Variants in RND2 observed in about 807,000 individuals in gnomAD.
The protein encoded by RND2 is rho-related GTP-binding protein RhoN.
Under a neutral mutation model 25.9 loss-of-function variants are expected in RND2, and 16 were observed. The observed-to-expected ratio is 0.62, with a 90% CI of 0.42 to 0.94. The LOEUF (loss-of-function observed/expected upper bound fraction) is 0.94. RND2 is among the 40% of genes least tolerant of loss of function. The pLI, the probability that RND2 is intolerant of heterozygous loss-of-function variation, is 0.00. For synonymous variants in RND2, 97 were observed against 118.1 expected (o/e 0.82, Z 1.16); for missense variants, 276 against 305.5 (o/e 0.90, Z 0.72).
intron 3 of RND2, 40 bp downstream of exon 3, chr17:43,027,332 AC>A: frequency 7.3e-7 from 1 of 1,361,850 alleles, no homozygotes; most frequent in South Asian, 1.2e-5. Context: ...ACTGAGGGGG[AC>A]CAGACCACCA....
In RND2 at chr17:43,028,742, G is replaced by A. The variant is rs530751345; in HGVS notation, c.*62G>A. 2.0e-6 allele frequency: 3 copies of A among 1,496,826 alleles called. No homozygotes were observed. Among genetic ancestry groups the A allele is most frequent in the South Asian group, 1.3e-5 (1 of 78,324 alleles). 92.7% of individuals were successfully genotyped at this position (1,496,826 alleles called of 1,614,324 possible). A position where few individuals can be genotyped will look rare whatever the true frequency, so the allele number is the denominator to read the frequency against. On this transcript the variant is annotated 3_prime_UTR_variant, in exon 5 of 5. Coordinates refer to ENST00000587250, the MANE Select transcript of RND2 (RefSeq NM_005440.5). ...GAGGGACACAATTGTTCCCCTGCCT[G>A]CGCCCAGGCTTCCTGACCTCCTGAT...
In RND2 at chr17:43,031,232, A is replaced by G. The variant is rs2050669974; in HGVS notation, c.*2552A>G. The G allele has an allele frequency of 6.6e-6, 1 of 152,206 alleles. No individual in the cohort carries two copies. Among genetic ancestry groups the G allele is most frequent in the South Asian group, 2.1e-4 (1 of 4,836 alleles). The allele number at this position is 152,206 out of a possible 1,614,324, so 9.4% of individuals were successfully genotyped here. A position where few individuals can be genotyped will look rare whatever the true frequency, so the allele number is the denominator to read the frequency against. On this transcript the variant is annotated 3_prime_UTR_variant, in exon 5 of 5. Transcript: ENST00000587250. Reference sequence around the variant, plus strand: ...CCCACCACTCCCTGGATCATCAGATATCCCTATCCCAACCTCTCCTATGGG... The same window carrying G: ...CCCACCACTCCCTGGATCATCAGATGTCCCTATCCCAACCTCTCCTATGGG...
chr17:43,026,772 C>G (rs1021756882), intron 2 of RND2, among the ~76,000 whole-genome samples: 15 of 152,186 alleles, frequency 9.9e-5, no homozygotes, highest in Non-Finnish European at 1.0e-4. Flanking sequence ...AGAGTGCTCT[C>G]CCTGCCACTG....
At chr17:43,025,715 T>C (rs1378904176) in intron 1 of RND2, among the ~76,000 whole-genome samples, 1 of 142,476 alleles carries the variant, frequency 7.0e-6, no homozygotes, top group South Asian at 2.3e-4. Context: ...TCCTGGGCAA[T>C]GGAGAGGGGA....
chr17:43,025,534 A>C, intron 1 of RND2, 85 bp downstream of exon 1: 6 of 1,469,846 alleles, frequency 4.1e-6, no homozygotes, highest in South Asian at 1.3e-5. Flanking sequence ...GGGAATGGGT[A>C]CTCGGGTAAC....
Position 43,025,320 on chromosome 17 carries a change from C to A in RND2, c.-28C>A. The A allele has an allele frequency of 2.7e-6, 4 of 1,506,866 alleles. No homozygotes were observed. Among genetic ancestry groups the A allele is most frequent in the Non-Finnish European group, 3.6e-6 (4 of 1,126,538 alleles). The allele number at this position is 1,506,866 out of a possible 1,614,324, so 93.3% of individuals were successfully genotyped here. Reference sequence around the variant, plus strand: ...GCGGCGGGGCCCGGGAGAGGGGTGGCGTGGGGGACCGGCGCGTAGCCGGGA... The same window carrying A: ...GCGGCGGGGCCCGGGAGAGGGGTGGAGTGGGGGACCGGCGCGTAGCCGGGA... On this transcript the variant is annotated 5_prime_UTR_variant, in exon 1 of 5. Transcript: ENST00000587250.
chr17:43,025,392 C>T lies in RND2; in HGVS notation c.45C>T (p.Asp15=). ...SGRCKIVVVG[D]AECGKTALLQ... is the part of the protein sequence containing the mutation. The stretch of plus-strand genomic sequence containing the variant: ...GCTGCAAGATCGTGGTGGTGGGAGA[C>T]GCAGAGTGCGGCAAGACGGCGCTGC... Residue 15 remains aspartate, a synonymous_variant, in exon 1 of 5, where the codon GAC becomes GAT. Coordinates refer to ENST00000587250, the MANE Select transcript of RND2 (RefSeq NM_005440.5). 1 of 1,553,528 alleles carries T rather than the reference C, an allele frequency of 6.4e-7. No homozygotes were observed. Among genetic ancestry groups the T allele is most frequent in the Non-Finnish European group, 8.7e-7 (1 of 1,148,970 alleles).
chr17:43,026,527 GTAATCTCA>G (rs2050624187), intron 2 of RND2, among the ~76,000 whole-genome samples: 1 of 152,140 alleles, frequency 6.6e-6, no homozygotes, highest in African/African-American at 2.4e-5. Context: ...GCACGTGCCT[GTAATCTCA>G]GCTACCAGGA....
At position 43,028,443 on chromosome 17, in the gene RND2, G is replaced by A. The variant is rs1197760954; in HGVS notation, c.447G>A (p.Leu149=). 6.8e-6 allele frequency: 11 copies of A among 1,613,864 alleles called. No individual in the cohort carries two copies. The highest frequency in any genetic ancestry group is 3.3e-4 in the Middle Eastern group (2 of 6,084). ...IPVTHEQGTV[L]AKQVGAVSYV... is the part of the protein sequence containing the mutation. The stretch of plus-strand genomic sequence containing the variant: ...CCTTCCTTTTCCAGGGCACTGTGCT[G>A]GCCAAGCAGGTGGGGGCTGTGTCCT... The change falls in exon 5 of 5, where the codon CTG becomes CTA. Residue 149 remains leucine (L), a synonymous_variant. Transcript: ENST00000587250.
chr17:43,025,974 C>T lies in RND2; in HGVS notation c.117C>T (p.Thr39=). ...CGTGTCTGCAGAGTTATGTCCCCACCGTGTTTGAGAACTACACTGCGAGCT... is the reference window on the plus strand; with the variant it reads ...CGTGTCTGCAGAGTTATGTCCCCACTGTGTTTGAGAACTACACTGCGAGCT... The part of the protein sequence containing the change: ...KDAYPGSYVP[T]VFENYTASFE... Residue 39 remains threonine, a synonymous_variant, in exon 2 of 5, where the codon ACC becomes ACT. Transcript: ENST00000587250. The T allele has an allele frequency of 1.2e-6, 2 of 1,612,242 alleles. No homozygotes were observed. Among genetic ancestry groups the T allele is most frequent in the Non-Finnish European group, 1.7e-6 (2 of 1,178,702 alleles).
rs1260251734 is a variant in RND2, at chr17:43,028,417, T to C, written c.436-15T>C. On this transcript the variant is annotated splice_polypyrimidine_tract_variant and intron_variant, in intron 4 of 4. Transcript: ENST00000587250. ...AGACCTATAACTTTCTCCCATGCAC[T>C]CCTTCCTTTTCCAGGGCACTGTGCT... 6.2e-7 allele frequency: 1 copy of C among 1,611,356 alleles called. No individual in the cohort carries two copies. The highest frequency in any genetic ancestry group is 1.3e-5 in the African/African-American group (1 of 75,002).
intron 2 of RND2, 77 bp downstream of exon 2, chr17:43,026,124 TC>T: frequency 1.0e-6 from 1 of 986,704 alleles, no homozygotes; most frequent in Non-Finnish European, 1.6e-6. Context: ...ACCCTTAGGT[TC>T]CAGGTAAGCC....
Position 43,029,060 on chromosome 17 carries a change from T to C in RND2, c.*380T>C, listed in dbSNP as rs2050649706. On this transcript the variant is annotated 3_prime_UTR_variant, in exon 5 of 5. Transcript: ENST00000587250. ...CAAGGAAAATGTCCATTCTATGACCTTCTCTTTTCCTCTCCTCTCACTTCT... is the reference window on the plus strand; with the variant it reads ...CAAGGAAAATGTCCATTCTATGACCCTCTCTTTTCCTCTCCTCTCACTTCT... The C allele has an allele frequency of 4.2e-6, 1 of 238,730 alleles. No homozygotes were observed. Among genetic ancestry groups the C allele is most frequent in the African/African-American group, 2.2e-5 (1 of 45,086 alleles). 14.8% of individuals were successfully genotyped at this position (238,730 alleles called of 1,614,324 possible).
Position 43,028,564 on chromosome 17 carries a change from C to T in RND2, c.568C>T (p.Arg190Cys), listed in dbSNP as rs376927688. The T allele has an allele frequency of 1.7e-5, 27 of 1,614,034 alleles. No homozygotes were observed. The highest frequency in any genetic ancestry group is 8.3e-5 in the Admixed American group (5 of 60,012). ...ASLGRGHRQL[R>C]RTDSRRGMQR... ...CCTTGGCCGTGGCCATAGGCAGCTG[C>T]GCCGAACTGACTCACGCCGGGGAAT... Residue 190 changes from arginine to cysteine, a missense_variant, in exon 5 of 5, where the codon CGC becomes TGC. Transcript: ENST00000587250.
chr17:43,028,396 C>T, intron 4 of RND2, 36 bp from the exon 5 acceptor site: 1 of 1,608,824 alleles, frequency 6.2e-7, no homozygotes, highest in Non-Finnish European at 8.5e-7. Context: ...AGGCTAAGAC[C>T]TATAACTTTC....
At chr17:43,027,940 C>T in intron 3 of RND2, 121 bp from the exon 4 acceptor site, 1 of 1,191,246 alleles carries the variant, frequency 8.4e-7, no homozygotes, top group South Asian at 1.5e-5. Flanking sequence ...GTGGGAGAGT[C>T]CTGAGGGATA....
intron 2 of RND2, chr17:43,026,254 G>A (rs1190629045): frequency 5.6e-6 from 3 of 536,510 alleles, no homozygotes; most frequent in Non-Finnish European, 1.0e-5. Context: ...AGAAAGCCTA[G>A]GATCTGAGCC....
In RND2 at chr17:43,028,415, A is replaced by G. The variant is rs766528859; in HGVS notation, c.436-17A>G. 1.2e-6 allele frequency: 2 copies of G among 1,609,676 alleles called. No homozygotes were observed. Among genetic ancestry groups the G allele is most frequent in the Non-Finnish European group, 1.7e-6 (2 of 1,176,922 alleles). The stretch of plus-strand genomic sequence containing the variant: ...TAAGACCTATAACTTTCTCCCATGC[A>G]CTCCTTCCTTTTCCAGGGCACTGTG... On this transcript the variant is annotated splice_polypyrimidine_tract_variant and intron_variant, in intron 4 of 4. Transcript: ENST00000587250.
At position 43,031,692 on chromosome 17, in the gene RND2, G is replaced by C. The variant is rs1185294778; in HGVS notation, c.*3012G>C. 1 of 152,124 alleles carries C rather than the reference G, an allele frequency of 6.6e-6. No individual in the cohort carries two copies. The highest frequency in any genetic ancestry group is 1.9e-4 in the East Asian group (1 of 5,202). 9.4% of individuals were successfully genotyped at this position (152,124 alleles called of 1,614,324 possible). On this transcript the variant is annotated 3_prime_UTR_variant, in exon 5 of 5. Transcript: ENST00000587250. ...TATCCATCTAAAGCAAACATAATTA[G>C]AAAAATCAATCAGCTGGAGGACCCC...
Sources: allele counts gnomAD v4.1 joint callset (sites outside exome capture counted in the v4.1 genomes callset), GRCh38; gene constraint gnomAD v4.1.1; transcripts MANE v1.5; gene names NCBI Gene and HGNC (gene_info 2026-07-23, HGNC 2026-07-21).